The following GLRA3 variants were observed in gnomAD, a reference collection of about 807,000 sequenced individuals.
GLRA3 encodes glycine receptor subunit alpha-3.
Under a neutral mutation model 60.4 loss-of-function variants are expected in GLRA3, and 44 were observed. The ratio of observed to expected loss-of-function variants is 0.73; its 90% CI spans 0.57 to 0.94. The LOEUF (loss-of-function observed/expected upper bound fraction) is 0.94. Among genes scored for constraint, GLRA3 ranks in the 40% least tolerant of loss-of-function variants. The probability of loss-of-function intolerance (pLI) is 0.00; values close to 1 mark genes in which losing one functional copy is unlikely to be tolerated. For synonymous variants in GLRA3, 223 were observed against 192.9 expected, an observed-to-expected ratio of 1.16 and a Z score of -1.29; for missense variants, 508 against 564.6, an observed-to-expected ratio of 0.90 and a Z score of 1.02.
At chr4:174,774,967 T>C (rs1340015887) in intron 2 of GLRA3, among the ~76,000 whole-genome samples, 1 of 152,158 alleles carries the variant, frequency 6.6e-6, no homozygotes, top group East Asian at 1.9e-4. Flanking sequence ...CTTTTGCACT[T>C]GTAACACTTC....
intron 6 of GLRA3, among the ~76,000 whole-genome samples, chr4:174,678,366 C>G (rs1244392739): frequency 6.6e-6 from 1 of 152,074 alleles, no homozygotes; most frequent in Non-Finnish European, 1.5e-5. Context: ...TCTAAATCAC[C>G]CAGTTCTTGG....
chr4:174,772,114 C>G (rs958598273), intron 2 of GLRA3, among the ~76,000 whole-genome samples: 1 of 152,148 alleles, frequency 6.6e-6, no homozygotes, highest in Non-Finnish European at 1.5e-5. Context: ...TGACCAGAGG[C>G]TCAAATAGTA....
At chr4:174,785,285 A>G (rs1302285291) in intron 2 of GLRA3, among the ~76,000 whole-genome samples, 2 of 152,082 alleles carry the variant, frequency 1.3e-5, no homozygotes, top group Non-Finnish European at 2.9e-5. Flanking sequence ...TCAAAGTTGC[A>G]TTTTTACAAA....
intron 6 of GLRA3, among the ~76,000 whole-genome samples, chr4:174,677,749 A>C (rs1397922461): frequency 1.3e-5 from 2 of 152,096 alleles, no homozygotes; most frequent in Non-Finnish European, 2.9e-5. Context: ...AATATTTTTC[A>C]CTGTTAGCAT....
rs945118130 is a variant in GLRA3, at chr4:174,715,059, C to T, written c.574+429G>A. 1.3e-5 allele frequency among the ~76,000 whole-genome samples: 2 copies of T among 152,142 alleles called. 1 individual carries two copies. Among genetic ancestry groups the T allele is most frequent in the South Asian group, 4.2e-4 (2 of 4,812 alleles). Reference sequence around the variant, plus strand: ...CACTGTCACCTTTGTGAGTTGGAGCCGAATACTCAACCATTCAACATGACC... The same window carrying T: ...CACTGTCACCTTTGTGAGTTGGAGCTGAATACTCAACCATTCAACATGACC... On this transcript the variant is annotated intron_variant, in intron 5 of 9. Coordinates refer to ENST00000274093, the MANE Select transcript of GLRA3 (RefSeq NM_006529.4).
intron 9 of GLRA3, among the ~76,000 whole-genome samples, chr4:174,647,008 T>C (rs1445019937): frequency 5.3e-5 from 8 of 152,200 alleles, no homozygotes; most frequent in Non-Finnish European, 1.2e-4. Flanking sequence ...TATTGGAACA[T>C]GGATCGCACA....
intron 5 of GLRA3, among the ~76,000 whole-genome samples, chr4:174,686,023 T>A (rs1734542568): frequency 6.6e-6 from 1 of 152,248 alleles, no homozygotes; most frequent in Admixed American, 6.5e-5. Flanking sequence ...AGACAGTATA[T>A]GTATCTTGCT....
intron 2 of GLRA3, among the ~76,000 whole-genome samples, chr4:174,775,894 AAAAT>A (rs577048449): frequency 0.026 from 1,807 of 69,608 alleles, 26 homozygotes; most frequent in African/African-American, 0.07. Flanking sequence ...TAATGGAAAA[AAAAT>A]AATAATTAGT....
chr4:174,685,332 C>G (rs947804056), intron 5 of GLRA3, among the ~76,000 whole-genome samples: 1 of 152,198 alleles, frequency 6.6e-6, no homozygotes, highest in African/African-American at 2.4e-5. Flanking sequence ...ATATCTCACA[C>G]CGTCCACTCT....
chr4:174,699,697 T>G lies in GLRA3; in HGVS notation c.574+15791A>C, dbSNP rs1735220320. Among the ~76,000 whole-genome samples the G allele has an allele frequency of 6.6e-5, 10 of 152,190 alleles. No homozygotes were observed. The South Asian group carries it at 1.9e-3, about 28-fold the overall frequency. Reference sequence around the variant, plus strand: ...ATATTAGTTGAAGTTCTGCAGGTCTTAAGTTGCTCATCACAAAGGAACCAG... The same window carrying G: ...ATATTAGTTGAAGTTCTGCAGGTCTGAAGTTGCTCATCACAAAGGAACCAG... On this transcript the variant is annotated intron_variant, in intron 5 of 9. Coordinates refer to ENST00000274093, the MANE Select transcript of GLRA3 (RefSeq NM_006529.4).
chr4:174,719,253 G>A (rs964433831), intron 4 of GLRA3, among the ~76,000 whole-genome samples: 5 of 151,886 alleles, frequency 3.3e-5, no homozygotes, highest in Non-Finnish European at 7.4e-5. Context: ...GTGAGCCACC[G>A]CGCCCGGCCT....
Position 174,676,761 on chromosome 4 carries a change from A to T in GLRA3, c.927+317T>A, listed in dbSNP as rs150567530. 9.4e-3 allele frequency among the ~76,000 whole-genome samples: 1,432 copies of T among 152,274 alleles called. 18 individuals are homozygous for T. The highest frequency in any genetic ancestry group is 0.035 in the Admixed American group (539 of 15,278). On this transcript the variant is annotated intron_variant, in intron 7 of 9. Coordinates refer to ENST00000274093, the MANE Select transcript of GLRA3 (RefSeq NM_006529.4). ...CATTTAAAATTACCATGTAGATTCA[A>T]CTTAAATGTTTAATATATTTCTAAA...
intron 1 of GLRA3, among the ~76,000 whole-genome samples, chr4:174,819,308 T>C (rs1470765913): frequency 6.6e-6 from 1 of 152,236 alleles, no homozygotes; most frequent in African/African-American, 2.4e-5. Flanking sequence ...TATAACTCTC[T>C]TGAAGAGTCA....
chr4:174,784,703 T>G (rs1487653641), intron 2 of GLRA3, among the ~76,000 whole-genome samples: 1 of 152,154 alleles, frequency 6.6e-6, no homozygotes, highest in Non-Finnish European at 1.5e-5. Context: ...AGCTTTACTT[T>G]CTAATTCTTT....
rs1732670100 is a variant in GLRA3, at chr4:174,643,009, A to G, written c.*777T>C. 3.3e-6 allele frequency: 3 copies of G among 922,964 alleles called. No homozygotes were observed. The African/African-American group carries it at 5.4e-5, about 17-fold the overall frequency. 57.2% of individuals were successfully genotyped at this position (922,964 alleles called of 1,614,324 possible). On this transcript the variant is annotated 3_prime_UTR_variant, in exon 10 of 10. Coordinates refer to ENST00000274093, the MANE Select transcript of GLRA3 (RefSeq NM_006529.4). Reference sequence around the variant, plus strand: ...TAACAAAAACAAGGGTGCTGGCTTGAATTGTTCAATGTTTGGCAATAACTA... The same window carrying G: ...TAACAAAAACAAGGGTGCTGGCTTGGATTGTTCAATGTTTGGCAATAACTA...
chr4:174,749,144 G>T (rs974251860), intron 3 of GLRA3, among the ~76,000 whole-genome samples: 1 of 151,984 alleles, frequency 6.6e-6, no homozygotes, highest in Non-Finnish European at 1.5e-5. Flanking sequence ...TTCTCGATTC[G>T]TAGATTTCAG....
chr4:174,758,042 T>C (rs184983824), intron 3 of GLRA3, among the ~76,000 whole-genome samples: 1 of 152,104 alleles, frequency 6.6e-6, no homozygotes, highest in East Asian at 1.9e-4. Flanking sequence ...ACTCTCGTCC[T>C]GTAATCTCCT....
chr4:174,654,331 T>C (rs565718236), intron 9 of GLRA3, among the ~76,000 whole-genome samples: 5 of 144,714 alleles, frequency 3.5e-5, no homozygotes, highest in Non-Finnish European at 7.5e-5. Flanking sequence ...GAATTATTTT[T>C]AAAGTAAGAC....
chr4:174,793,901 GATTA>G lies in GLRA3; in HGVS notation c.72-4962_72-4959del, dbSNP rs964140191. On this transcript the variant is annotated intron_variant, in intron 1 of 9. Coordinates refer to ENST00000274093, the MANE Select transcript of GLRA3 (RefSeq NM_006529.4). ...CAATAAAGAAAAAATAAAAGACTAA[GATTA>G]ATTAAGATTAAATCTTAATTAATTT... Among the ~76,000 whole-genome samples the G allele has an allele frequency of 6.2e-4, 94 of 151,796 alleles. 1 individual carries two copies. Among genetic ancestry groups the G allele is most frequent in the Middle Eastern group, 6.9e-3 (2 of 288 alleles).
Sources: gnomAD v4.1 joint callset for allele counts (sites outside exome capture counted in the v4.1 genomes callset) on GRCh38, gnomAD v4.1.1 for gene constraint, MANE v1.5 for transcripts, NCBI Gene and HGNC (gene_info 2026-07-23, HGNC 2026-07-21) for gene names.